Variants in OPN3 observed in about 807,000 individuals in gnomAD.
The protein encoded by OPN3 is opsin 3.
OPN3 carries 29 observed loss-of-function variants against 33.8 expected under a neutral mutation model. The observed-to-expected ratio is 0.86, with a 90% confidence interval of 0.64 to 1.17. OPN3 has a LOEUF of 1.17. Among genes scored for constraint, OPN3 ranks in the 50% most tolerant of loss-of-function variants. The probability of loss-of-function intolerance (pLI) is 0.00; values close to 1 mark genes in which losing one functional copy is unlikely to be tolerated. For missense variants in OPN3, 437 were observed against 514.1 expected, an observed-to-expected ratio of 0.85 and a Z score of 1.45; for synonymous variants, 216 against 216.1, an observed-to-expected ratio of 1.00 and a Z score of 0.00.
In OPN3 at chr1:241,594,330, G is replaced by T; in HGVS notation, c.*98C>A. ...TCCTGCTGGACCACAAGGTTCTGTT[G>T]ATATTACATAGAACGGGTATTCCAG... is the stretch of plus-strand genomic sequence containing the variant. On this transcript the variant is annotated 3_prime_UTR_variant, in exon 4 of 4. Coordinates refer to ENST00000366554, the MANE Select transcript of OPN3 (RefSeq NM_014322.3). 1 of 1,312,326 alleles carries T rather than the reference G, an allele frequency of 7.6e-7. No homozygotes were observed. The highest frequency in any genetic ancestry group is 1.1e-6 in the Non-Finnish European group (1 of 947,586). 81.3% of individuals were successfully genotyped at this position (1,312,326 alleles called of 1,614,324 possible). A position where few individuals can be genotyped will look rare whatever the true frequency, so the allele number is the denominator to read the frequency against.
rs1353989870 is a variant in OPN3 at position 241,606,587 on chromosome 1, A to AAATAAAAT, written c.374-2009_374-2008insATTTTATT. 4.7e-5 allele frequency among the ~76,000 whole-genome samples: 6 copies of AAATAAAAT among 128,706 alleles called. No homozygotes were observed. In the East Asian group the frequency reaches 7.6e-4, roughly 16 times the overall value. The allele number at this position is 128,706 out of a possible 152,430, so 84.4% of individuals were successfully genotyped here. On this transcript the variant is annotated intron_variant, in intron 1 of 3. Coordinates refer to ENST00000366554, the MANE Select transcript of OPN3 (RefSeq NM_014322.3). ...TAAATAAATAAATAAATAAATAAATAAAATAAATAAAATAACTTGGAGGTT... is the reference window on the plus strand; with the variant it reads ...TAAATAAATAAATAAATAAATAAATAAATAAAATAAATAAATAAAATAACTTGGAGGTT...
At chr1:241,608,566 C>T (rs1385794412) in intron 1 of OPN3, among the ~76,000 whole-genome samples, 18 of 152,180 alleles carry the variant, frequency 1.2e-4, no homozygotes, top group Non-Finnish European at 2.9e-5. Flanking sequence ...GACGCAGCTG[C>T]TATTGGCAGG....
intron 1 of OPN3, among the ~76,000 whole-genome samples, chr1:241,621,526 T>C (rs1299804443): frequency 6.6e-6 from 1 of 151,984 alleles, no homozygotes. Context: ...AATGAGGGAG[T>C]AATGCCTCAG....
At chr1:241,613,097 A>G (rs671989) in intron 1 of OPN3, among the ~76,000 whole-genome samples, 77,322 of 152,076 alleles carry the variant, frequency 0.51, 20,114 homozygotes, top group African/African-American at 0.58. Context: ...GCAAGTAACC[A>G]ATTCTTCTTT....
intron 2 of OPN3, among the ~76,000 whole-genome samples, chr1:241,599,859 G>T (rs1663634076): frequency 6.6e-6 from 1 of 152,154 alleles, no homozygotes; most frequent in Admixed American, 6.5e-5. Flanking sequence ...GTATGACTTT[G>T]TGGGGTTGTT....
At chr1:241,630,743 G>A (rs1664599192) in intron 1 of OPN3, 1 of 151,968 alleles carries the variant, frequency 6.6e-6, no homozygotes, top group African/African-American at 2.4e-5. Context: ...ACTCCGAGAA[G>A]TCTATTAAAT....
At position 241,639,913 on chromosome 1, in the gene OPN3, G is replaced by A; in HGVS notation, c.342C>T (p.Cys114=). ...GGCTGCCGCTAAACCCGTCCCACAC[G>A]CAGCCCACGGTGTCCCACACCCAGC... ...RNGWVWDTVG[C]VWDGFSGSLF... The change falls in exon 1 of 4, where the codon TGC becomes TGT. Residue 114 remains cysteine (C), a synonymous_variant. Transcript: ENST00000366554. 6.3e-7 allele frequency: 1 copy of A among 1,597,442 alleles called. No homozygotes were observed. The highest frequency in any genetic ancestry group is 8.5e-7 in the Non-Finnish European group (1 of 1,172,530).
At chr1:241,638,655 T>C (rs570908747) in intron 1 of OPN3, among the ~76,000 whole-genome samples, 19 of 152,204 alleles carry the variant, frequency 1.2e-4, no homozygotes, top group African/African-American at 4.1e-4. Context: ...AAATTTCAAA[T>C]GTTTGTTCAA....
chr1:241,625,217 A>T (rs1470592236), intron 1 of OPN3, among the ~76,000 whole-genome samples: 2 of 152,246 alleles, frequency 1.3e-5, no homozygotes, highest in African/African-American at 4.8e-5. Context: ...ATAAAATGCC[A>T]AGCTGCTGCC....
At chr1:241,624,703 A>C (rs955906994) in intron 1 of OPN3, among the ~76,000 whole-genome samples, 2 of 152,226 alleles carry the variant, frequency 1.3e-5, no homozygotes, top group African/African-American at 4.8e-5. Context: ...AAAACGTGTG[A>C]AGAAATCAGA....
At chr1:241,595,153 AT>A (rs899640573) in intron 3 of OPN3, 14 of 152,068 alleles carry the variant, frequency 9.2e-5, no homozygotes, top group African/African-American at 2.2e-4. Context: ...TAGGTGAAGA[AT>A]TTTTTTTTTC....
intron 1 of OPN3, among the ~76,000 whole-genome samples, chr1:241,626,476 T>C (rs1243841312): frequency 1.3e-5 from 2 of 152,184 alleles, no homozygotes; most frequent in Admixed American, 1.3e-4. Context: ...CAGGGGTCAT[T>C]ACCAATGTTA....
chr1:241,628,620 C>T (rs1664493644), intron 1 of OPN3, among the ~76,000 whole-genome samples: 1 of 152,048 alleles, frequency 6.6e-6, no homozygotes, highest in African/African-American at 2.4e-5. Context: ...ATGCTGATGT[C>T]CTAGAATGTA....
chr1:241,617,955 T>A (rs1185947549), intron 1 of OPN3, among the ~76,000 whole-genome samples: 1 of 152,078 alleles, frequency 6.6e-6, no homozygotes, highest in Admixed American at 6.6e-5. Flanking sequence ...TCTCATTTCC[T>A]TGGAAGTCTT....
rs1201762774 is a variant in OPN3 at position 241,607,593 on chromosome 1, GAAGA to G, written c.374-3018_374-3015del. Among the ~76,000 whole-genome samples the G allele has an allele frequency of 4.6e-3, 642 of 140,334 alleles. 2 individuals carry two copies. Among genetic ancestry groups the G allele is most frequent in the African/African-American group, 0.016 (610 of 37,296 alleles). 92.1% of individuals were successfully genotyped at this position (140,334 alleles called of 152,430 possible). A position where few individuals can be genotyped will look rare whatever the true frequency, so the allele number is the denominator to read the frequency against. On this transcript the variant is annotated intron_variant, in intron 1 of 3. Transcript: ENST00000366554. ...AAAGAAAGAAAAGAAAGAAAGAAAGGAAGAAAGAGAGAAAGGAGGGAAGGAAGGA... is the reference window on the plus strand; with the variant it reads ...AAAGAAAGAAAAGAAAGAAAGAAAGGAAGAGAGAAAGGAGGGAAGGAAGGA...
chr1:241,634,268 G>A (rs752377996), intron 1 of OPN3: 3 of 1,613,930 alleles, frequency 1.9e-6, no homozygotes, highest in Admixed American at 3.3e-5. Flanking sequence ...CTTCATGCAT[G>A]TCATGGTTGA....
intron 3 of OPN3, among the ~76,000 whole-genome samples, chr1:241,596,336 G>A (rs1168460120): frequency 6.6e-6 from 1 of 152,142 alleles, no homozygotes; most frequent in East Asian, 1.9e-4. Context: ...CAATTTCCAG[G>A]GTTTCAGTGG....
At chr1:241,601,702 G>A (rs566207937) in intron 2 of OPN3, among the ~76,000 whole-genome samples, 40 of 151,862 alleles carry the variant, frequency 2.6e-4, no homozygotes, top group Non-Finnish European at 5.4e-4. Flanking sequence ...GTAAAACTTC[G>A]TCTCAAAAAA....
At chr1:241,612,191 T>C (rs779865448) in intron 1 of OPN3, among the ~76,000 whole-genome samples, 1 of 152,220 alleles carries the variant, frequency 6.6e-6, no homozygotes, top group Non-Finnish European at 1.5e-5. Flanking sequence ...CTGGATGGAC[T>C]GTGTTTCAAA....
Sources: allele counts gnomAD v4.1 joint callset (sites outside exome capture counted in the v4.1 genomes callset), GRCh38; gene constraint gnomAD v4.1.1; transcripts MANE v1.5; gene names NCBI Gene and HGNC (gene_info 2026-07-23, HGNC 2026-07-21).